Variants in BICD1 observed in about 807,000 individuals in gnomAD.
BICD1 encodes protein bicaudal D homolog 1.
In BICD1, 35 loss-of-function variants were observed where a neutral mutation model predicts 92.5. That is an observed-to-expected ratio of 0.38 (90% CI 0.29 to 0.50). The LOEUF (loss-of-function observed/expected upper bound fraction) is 0.50. Among genes scored for constraint, BICD1 ranks in the 20% least tolerant of loss-of-function variants. The pLI is 0.93. For missense variants in BICD1, 950 were observed against 1,189.8 expected, an observed-to-expected ratio of 0.80 and a Z score of 2.97; for synonymous variants, 429 against 465.1, an observed-to-expected ratio of 0.92 and a Z score of 1.00.
intron 8 of BICD1, among the ~76,000 whole-genome samples, chr12:32,349,495 A>G (rs1462006240): frequency 6.6e-6 from 1 of 152,172 alleles, no homozygotes; most frequent in African/African-American, 2.4e-5. Flanking sequence ...GAAATCCTGG[A>G]AGGGCATCTC....
At chr12:32,204,324 T>C (rs1944987883) in intron 1 of BICD1, among the ~76,000 whole-genome samples, 1 of 138,604 alleles carries the variant, frequency 7.2e-6, no homozygotes, top group African/African-American at 2.8e-5. Context: ...CACTCTAACC[T>C]GGGCAACAGA....
At chr12:32,254,388 T>C (rs1946663690) in intron 2 of BICD1, among the ~76,000 whole-genome samples, 1 of 152,242 alleles carries the variant, frequency 6.6e-6, no homozygotes, top group Non-Finnish European at 1.5e-5. Flanking sequence ...CCACCTACCA[T>C]ATTCACTGCT....
intron 3 of BICD1, among the ~76,000 whole-genome samples, chr12:32,302,999 TCAGG>T: frequency 7.0e-6 from 1 of 142,720 alleles, no homozygotes; most frequent in Non-Finnish European, 1.5e-5. Flanking sequence ...AGTGACACCA[TCAGG>T]GCTCACTGCA....
chr12:32,252,513 G>C (rs1289891619), intron 2 of BICD1, among the ~76,000 whole-genome samples: 1 of 152,140 alleles, frequency 6.6e-6, no homozygotes, highest in African/African-American at 2.4e-5. Context: ...TATTCTCAGA[G>C]TTTGGGAGAT....
chr12:32,361,223 C>CA (rs1444655087), intron 8 of BICD1, among the ~76,000 whole-genome samples: 1 of 152,084 alleles, frequency 6.6e-6, no homozygotes, highest in Non-Finnish European at 1.5e-5. Context: ...GGTCAGAGAG[C>CA]AAGGAGACGA....
At chr12:32,318,867 T>TTTTTCAG (rs1432525676) in intron 4 of BICD1, among the ~76,000 whole-genome samples, 6 of 152,200 alleles carry the variant, frequency 3.9e-5, no homozygotes, top group Non-Finnish European at 7.3e-5. Context: ...AAAAAAATTT[T>TTTTTCAG]ATTCTGAAGT....
At chr12:32,190,795 GT>G (rs138576788) in intron 1 of BICD1, among the ~76,000 whole-genome samples, 1 of 152,122 alleles carries the variant, frequency 6.6e-6, no homozygotes, top group South Asian at 2.1e-4. Context: ...CAGAATACAC[GT>G]TTTTCTCAAG....
At chr12:32,125,919 C>T (rs1565532616) in intron 1 of BICD1, among the ~76,000 whole-genome samples, 1 of 151,372 alleles carries the variant, frequency 6.6e-6, no homozygotes, top group Non-Finnish European at 1.5e-5. Context: ...CATGGTGGCA[C>T]ACACTTGTAG....
chr12:32,247,615 C>T (rs1252023927), intron 2 of BICD1, among the ~76,000 whole-genome samples: 1 of 151,816 alleles, frequency 6.6e-6, no homozygotes, highest in Non-Finnish European at 1.5e-5. Flanking sequence ...CCTGTCTCTG[C>T]TAAAAATACA....
At chr12:32,117,756 ATATT>A (rs1258162863) in intron 1 of BICD1, among the ~76,000 whole-genome samples, 5 of 108,362 alleles carry the variant, frequency 4.6e-5, no homozygotes, top group African/African-American at 1.6e-4. Context: ...ATATATATAT[ATATT>A]TTTTTTTAAG....
rs190120515 is a variant in BICD1 at position 32,339,332 on chromosome 12, T to C, written c.2764+353T>C. 30 of 1,005,648 alleles carry C rather than the reference T, an allele frequency of 3.0e-5. No individual in the cohort carries two copies. The African/African-American group carries it at 5.0e-4, about 17-fold the overall frequency. 62.3% of individuals were successfully genotyped at this position (1,005,648 alleles called of 1,614,324 possible). A position where few individuals can be genotyped will look rare whatever the true frequency, so the allele number is the denominator to read the frequency against. On this transcript the variant is annotated intron_variant, in intron 8 of 9. Transcript: ENST00000652176. ...TTGGTCAGATTTGGCCAGTTCTCTC[T>C]TATCGTTTTTAATGTAATTTCCGTA... is the stretch of plus-strand genomic sequence containing the variant.
intron 8 of BICD1, among the ~76,000 whole-genome samples, chr12:32,348,044 C>G (rs549691573): frequency 2.6e-5 from 4 of 152,198 alleles, no homozygotes; most frequent in Non-Finnish European, 5.9e-5. Flanking sequence ...TGGACCCATT[C>G]GACAAAAATG....
At chr12:32,300,324 C>T (rs934858715) in intron 3 of BICD1, among the ~76,000 whole-genome samples, 4 of 151,968 alleles carry the variant, frequency 2.6e-5, no homozygotes, top group South Asian at 2.1e-4. Flanking sequence ...AGGATGATCT[C>T]GATCTCCTGA....
intron 1 of BICD1, among the ~76,000 whole-genome samples, chr12:32,125,108 G>A (rs1942283003): frequency 6.6e-6 from 1 of 150,982 alleles, no homozygotes; most frequent in African/African-American, 2.4e-5. Flanking sequence ...CTGTGACCAG[G>A]TTGCCTAATT....
chr12:32,266,073 AGAC>A (rs1236758573), intron 2 of BICD1, among the ~76,000 whole-genome samples: 1 of 152,222 alleles, frequency 6.6e-6, no homozygotes, highest in Admixed American at 6.5e-5. Flanking sequence ...TGATATATAC[AGAC>A]TTCCTCATCT....
intron 4 of BICD1, among the ~76,000 whole-genome samples, chr12:32,316,467 A>T (rs1243381252): frequency 1.3e-5 from 2 of 150,056 alleles, no homozygotes; most frequent in African/African-American, 4.9e-5. Flanking sequence ...ATTTTTTTTT[A>T]TTTTTTATTT....
At chr12:32,284,691 C>G (rs1263310984) in intron 2 of BICD1, among the ~76,000 whole-genome samples, 1 of 152,100 alleles carries the variant, frequency 6.6e-6, no homozygotes, top group East Asian at 1.9e-4. Flanking sequence ...TTTGATGGTT[C>G]CCCAGATTGC....
chr12:32,258,084 A>G (rs1668840789), intron 2 of BICD1, among the ~76,000 whole-genome samples: 1 of 152,176 alleles, frequency 6.6e-6, no homozygotes, highest in Non-Finnish European at 1.5e-5. Flanking sequence ...ATGCTTGTTC[A>G]GCTTTAGTAG....
At chr12:32,251,588 G>A (rs1946523659) in intron 2 of BICD1, among the ~76,000 whole-genome samples, 1 of 151,984 alleles carries the variant, frequency 6.6e-6, no homozygotes, top group African/African-American at 2.4e-5. Context: ...TCACCTAATT[G>A]TATATTTTCT....
Sources: gnomAD v4.1 joint callset for allele counts (sites outside exome capture counted in the v4.1 genomes callset) on GRCh38, gnomAD v4.1.1 for gene constraint, MANE v1.5 for transcripts, NCBI Gene and HGNC (gene_info 2026-07-23, HGNC 2026-07-21) for gene names.